The following STARD9 variants were observed in gnomAD, a reference collection of about 807,000 sequenced individuals.
STARD9 encodes StAR related lipid transfer domain containing 9.
Under a neutral mutation model 399.8 loss-of-function variants are expected in STARD9, and 346 were observed. That is an observed-to-expected ratio of 0.87 (90% CI 0.79 to 0.95). The LOEUF is 0.95. Among genes scored for constraint, STARD9 ranks in the 40% least tolerant of loss-of-function variants. STARD9 has a pLI of 0.00. For missense variants in STARD9, 5,832 were observed against 5,667.5 expected (o/e 1.03, Z -0.93); for synonymous variants, 2,203 against 2,143.5 (o/e 1.03, Z -0.77).
intron 26 of STARD9, among the ~76,000 whole-genome samples, chr15:42,708,609 C>T (rs1234458046): frequency 3.3e-5 from 5 of 151,910 alleles, no homozygotes; most frequent in Admixed American, 1.3e-4. Flanking sequence ...GTGATAGTTT[C>T]TCAGTCTTTT....
rs771475238 is a variant in STARD9 at position 42,685,439 on chromosome 15, C to T, written c.3861C>T (p.Leu1287=). 2 of 1,537,052 alleles carry T rather than the reference C, an allele frequency of 1.3e-6. No individual in the cohort carries two copies. The highest frequency in any genetic ancestry group is 2.7e-5 in the African/African-American group (2 of 72,954). Reference sequence around the variant, plus strand: ...CTCAGTTCCAACCCCATTGTGAGCTCCAACCCCATTGTGAGCTCCAACCCC... The same window carrying T: ...CTCAGTTCCAACCCCATTGTGAGCTTCAACCCCATTGTGAGCTCCAACCCC... ...LDPQFQPHCE[L]QPHCELQPHC... is the part of the protein sequence containing the mutation. Residue 1287 remains leucine, a synonymous_variant, in exon 23 of 33, where the codon CTC becomes CTT. Transcript: ENST00000290607.
intron 3 of STARD9, among the ~76,000 whole-genome samples, chr15:42,622,892 T>C (rs1441965908): frequency 6.6e-6 from 1 of 152,144 alleles, no homozygotes; most frequent in Non-Finnish European, 1.5e-5. Context: ...TCTGGGGACA[T>C]TATGTGGGGC....
chr15:42,664,423 G>A (rs2060049850), intron 13 of STARD9, among the ~76,000 whole-genome samples: 1 of 152,114 alleles, frequency 6.6e-6, no homozygotes, highest in Non-Finnish European at 1.5e-5. Flanking sequence ...GAGTGCAGCA[G>A]CACTATTGTG....
chr15:42,637,950 T>A lies in STARD9; in HGVS notation c.384+11T>A. ...CCACGGATATGTGAGGTATAGACTA[T>A]CTTTTGGCTGGATCCTCTCAAAGTA... On this transcript the variant is annotated intron_variant, in intron 5 of 32. Coordinates refer to ENST00000290607, the MANE Select transcript of STARD9 (RefSeq NM_020759.3). 3 of 1,537,286 alleles carry A rather than the reference T, an allele frequency of 2.0e-6. No homozygotes were observed. Among genetic ancestry groups the A allele is most frequent in the Non-Finnish European group, 2.6e-6 (3 of 1,146,910 alleles).
chr15:42,691,708 T>C lies in STARD9; in HGVS notation c.10130T>C (p.Leu3377Pro), dbSNP rs1179691491. 1 of 1,537,260 alleles carries C rather than the reference T, an allele frequency of 6.5e-7. No individual in the cohort carries two copies. Among genetic ancestry groups the C allele is most frequent in the Admixed American group, 2.0e-5 (1 of 50,998 alleles). ...SSGKSVARTS[L>P]QAEDSNQKAS... is the part of the protein sequence containing the mutation. ...GGAAAGTCAGTGGCAAGAACATCTC[T>C]GCAGGCTGAGGACAGCAATCAGAAA... The change falls in exon 23 of 33, where the codon CTG becomes CCG. Residue 3377 changes from leucine (L) to proline (P), a missense_variant. Coordinates refer to ENST00000290607, the MANE Select transcript of STARD9 (RefSeq NM_020759.3).
rs2060619018 is a variant in STARD9 at position 42,688,697 on chromosome 15, C to T, written c.7119C>T (p.Pro2373=). 2.0e-6 allele frequency: 3 copies of T among 1,537,724 alleles called. No individual in the cohort carries two copies. Among genetic ancestry groups the T allele is most frequent in the Non-Finnish European group, 2.6e-6 (3 of 1,147,030 alleles). The change falls in exon 23 of 33, where the codon CCC becomes CCT. Residue 2373 remains proline (P), a synonymous_variant. Coordinates refer to ENST00000290607, the MANE Select transcript of STARD9 (RefSeq NM_020759.3). ...DLTMLKIHNS[P]LVTGVEHQDQ... ...CAATGTTGAAAATTCATAACAGTCC[C>T]TTGGTAACTGGAGTAGAGCATCAGG... is the stretch of plus-strand genomic sequence containing the variant.
intron 6 of STARD9, 92 bp from the exon 7 acceptor site, chr15:42,638,608 A>T: frequency 1.2e-6 from 1 of 812,944 alleles, no homozygotes; most frequent in Non-Finnish European, 1.9e-6. Context: ...GTGGAGCTGG[A>T]ACAAGAACTA....
At chr15:42,634,824 C>T in intron 3 of STARD9, 32 bp from the exon 4 acceptor site, 1 of 1,109,544 alleles carries the variant, frequency 9.0e-7, no homozygotes, top group African/African-American at 1.6e-5. Flanking sequence ...AGAAGGACCA[C>T]AGTGATATTT....
At chr15:42,637,713 C>A (rs1456178695) in intron 4 of STARD9, among the ~76,000 whole-genome samples, 194 bp from the exon 5 acceptor site, 1 of 152,144 alleles carries the variant, frequency 6.6e-6, no homozygotes, top group Non-Finnish European at 1.5e-5. Context: ...TGGTACATTT[C>A]TCCCATGAGT....
chr15:42,674,046 C>T, intron 16 of STARD9: 4 of 451,282 alleles, frequency 8.9e-6, no homozygotes, highest in South Asian at 6.3e-5. Context: ...CCACATCAAC[C>T]TTTGCCCCTT....
Position 42,687,685 on chromosome 15 carries a change from A to G in STARD9, c.6107A>G (p.Lys2036Arg), listed in dbSNP as rs2060595316. 2.6e-6 allele frequency: 4 copies of G among 1,536,924 alleles called. No individual in the cohort carries two copies. Among genetic ancestry groups the G allele is most frequent in the Non-Finnish European group, 3.5e-6 (4 of 1,146,876 alleles). ...CCCAACAGAGAACCTTCTGGAAAGA[A>G]ACAGAATAAAAGAGTTAATAATACT... ...LNPNREPSGK[K>R]QNKRVNNTDE... The change falls in exon 23 of 33, where the codon AAA becomes AGA. Residue 2036 changes from lysine (K) to arginine (R), a missense_variant. Physicochemically the swap from Lys to Arg is conservative, Grantham distance 26. Coordinates refer to ENST00000290607, the MANE Select transcript of STARD9 (RefSeq NM_020759.3).
At position 42,686,631 on chromosome 15, in the gene STARD9, C is replaced by T. The variant is rs1484384236; in HGVS notation, c.5053C>T (p.Gln1685Ter). 9.1e-6 allele frequency: 14 copies of T among 1,537,112 alleles called. No individual in the cohort carries two copies. The highest frequency in any genetic ancestry group is 1.2e-5 in the Non-Finnish European group (14 of 1,146,934). The change falls in exon 23 of 33, where the codon CAA becomes TAA. Residue 1685 changes from glutamine to a stop codon, truncating the protein, a stop_gained. Transcript: ENST00000290607. LOFTEE classifies it high-confidence loss of function. ...GAAAAATAGTGCAGTCCAGCCAGGGCAATTAAGTCCCGACAGCCACTACCC... is the reference window on the plus strand; with the variant it reads ...GAAAAATAGTGCAGTCCAGCCAGGGTAATTAAGTCCCGACAGCCACTACCC... ...LRKNSAVQPG[Q>*]LSPDSHYPLE...
intron 3 of STARD9, among the ~76,000 whole-genome samples, chr15:42,626,372 C>CTCTTCCTCTTCTTCCTCTTCCTCTTCT (rs1555393277): frequency 1.0e-5 from 1 of 97,824 alleles, no homozygotes; most frequent in African/African-American, 6.1e-5. Context: ...CCTCTTCTTC[C>CTCTTCCTCTTCTTCCTCTTCCTCTTCT]TCCTCTTCCT....
In STARD9 at chr15:42,637,970, A is replaced by G. The variant is rs182390722; in HGVS notation, c.384+31A>G. On this transcript the variant is annotated intron_variant, in intron 5 of 32. Coordinates refer to ENST00000290607, the MANE Select transcript of STARD9 (RefSeq NM_020759.3). Reference sequence around the variant, plus strand: ...GACTATCTTTTGGCTGGATCCTCTCAAAGTAGGTCTCTCTACAATTCCTAC... The same window carrying G: ...GACTATCTTTTGGCTGGATCCTCTCGAAGTAGGTCTCTCTACAATTCCTAC... The G allele has an allele frequency of 1.4e-3, 2,184 of 1,537,300 alleles. 2 individuals carry two copies. Among genetic ancestry groups the G allele is most frequent in the Admixed American group, 2.8e-3 (144 of 50,998 alleles).
At chr15:42,697,669 C>T (rs2060873451) in intron 26 of STARD9, among the ~76,000 whole-genome samples, 1 of 152,074 alleles carries the variant, frequency 6.6e-6, no homozygotes, top group African/African-American at 2.4e-5. Context: ...TGGTTTCATG[C>T]ACAAAATTAT....
chr15:42,692,247 G>A lies in STARD9; in HGVS notation c.10669G>A (p.Val3557Ile), dbSNP rs762701343. 6.4e-5 allele frequency: 99 copies of A among 1,536,962 alleles called. No individual in the cohort carries two copies. The highest frequency in any genetic ancestry group is 2.0e-4 in the Admixed American group (10 of 50,978). Residue 3557 changes from valine (V) to isoleucine (I), a missense_variant, in exon 23 of 33, where the codon GTA (valine) becomes ATA (isoleucine). Transcript: ENST00000290607. ...NAQGSNEAWE[V>I]FRGSSSIALG... ...CCAGGGTTCAAATGAGGCCTGGGAA[G>A]TATTCCGAGGGAGTTCTTCAATTGC...
chr15:42,668,437 A>C (rs1370797340), intron 15 of STARD9, among the ~76,000 whole-genome samples: 1 of 149,536 alleles, frequency 6.7e-6, no homozygotes, highest in Non-Finnish European at 1.5e-5. Context: ...CTCAATGCTT[A>C]GGCATCGGTT....
intron 3 of STARD9, among the ~76,000 whole-genome samples, chr15:42,612,719 G>T (rs994896537): frequency 3.9e-5 from 6 of 152,102 alleles, no homozygotes; most frequent in East Asian, 1.9e-4. Context: ...TTGCAGTGGC[G>T]CATGCCCATA....
intron 20 of STARD9, among the ~76,000 whole-genome samples, chr15:42,679,692 A>G (rs140113581): frequency 2.0e-5 from 3 of 152,350 alleles, no homozygotes; most frequent in African/African-American, 7.2e-5. Context: ...TGTGGGCCAT[A>G]TGGTCTGTGC....
Sources: allele counts gnomAD v4.1 joint callset (sites outside exome capture counted in the v4.1 genomes callset), GRCh38; gene constraint gnomAD v4.1.1; transcripts MANE v1.5; gene names NCBI Gene and HGNC (gene_info 2026-07-23, HGNC 2026-07-21).